Variants in PAK3 observed in about 807,000 individuals in gnomAD.
PAK3 encodes p21 (RAC1) activated kinase 3.
Under a neutral mutation model 41.0 loss-of-function variants are expected in PAK3, and 4 were observed. The ratio of observed to expected loss-of-function variants is 0.10; its 90% CI spans 0.05 to 0.22. The LOEUF is 0.22. PAK3 is among the 10% of genes least tolerant of loss of function. The pLI is 1.00. For synonymous variants in PAK3, 146 were observed against 139.6 expected (o/e 1.05, Z -0.32); for missense variants, 205 against 409.9 (o/e 0.50, Z 4.32).
In PAK3 at chrX:111,160,623, C is replaced by A. The variant is rs75355737; in HGVS notation, c.469-2292C>A. 9.2e-5 allele frequency among the ~76,000 whole-genome samples: 10 copies of A among 108,329 alleles called. No individual in the cohort carries two copies. In the South Asian group the frequency reaches 2.1e-3, roughly 22 times the overall value. The allele number at this position is 108,329 out of a possible 115,157, so 94.1% of individuals were successfully genotyped here. ...TAATGCTATCCCTCCCCGCTCCCCC[C>A]ACCCCACAACAGTCCCCGGTGTGTG... On this transcript the variant is annotated intron_variant, in intron 8 of 17. Transcript: ENST00000372007.
At chrX:111,040,435 A>G in intron 1 of PAK3, among the ~76,000 whole-genome samples, 1 of 112,092 alleles carries the variant, frequency 8.9e-6, no homozygotes, top group East Asian at 2.8e-4. Flanking sequence ...GAAAATATAG[A>G]TACATTTTAT....
intron 1 of PAK3, among the ~76,000 whole-genome samples, chrX:111,080,662 A>AC (rs1290567797): frequency 3.6e-5 from 4 of 111,826 alleles, no homozygotes; most frequent in African/African-American, 1.3e-4. Flanking sequence ...AACCATTATG[A>AC]GAAACAGTAT....
chrX:110,977,475 A>G (rs1376129307), intron 1 of PAK3, among the ~76,000 whole-genome samples: 1 of 111,181 alleles, frequency 9.0e-6, no homozygotes, highest in Non-Finnish European at 1.9e-5. Flanking sequence ...TGTTGAATCT[A>G]TAGATCAATT....
chrX:110,965,519 C>A (rs979531669), intron 1 of PAK3, among the ~76,000 whole-genome samples: 22 of 111,934 alleles, frequency 2.0e-4, no homozygotes, highest in African/African-American at 7.1e-4. Flanking sequence ...AAATTAGCTT[C>A]TATTCACAAA....
rs141866061 is a variant in PAK3, at chrX:110,959,410, T to G, written c.-28+14782T>G. ...GTTTCTGCTTTCTCTTTACACTCTA[T>G]CCTCTTTCTCGGGCTTTCCGTCTGT... is the stretch of plus-strand genomic sequence containing the variant. On this transcript the variant is annotated intron_variant, in intron 1 of 14. Coordinates refer to the PAK3 transcript ENST00000425146. 2.3e-4 allele frequency among the ~76,000 whole-genome samples: 26 copies of G among 111,908 alleles called. No individual in the cohort carries two copies. In the East Asian group the frequency reaches 7.3e-3, roughly 31 times the overall value.
intron 1 of PAK3, among the ~76,000 whole-genome samples, chrX:110,950,580 C>T (rs1725477410): frequency 9.0e-6 from 1 of 111,452 alleles, no homozygotes; most frequent in African/African-American, 3.3e-5. Context: ...TCTCCTTGTC[C>T]CCCAACCCGT....
chrX:111,080,230 C>T (rs34572068), intron 1 of PAK3, among the ~76,000 whole-genome samples: 9,975 of 111,163 alleles, frequency 0.09, 445 homozygotes, highest in Non-Finnish European at 0.13. Context: ...AAATCTTTCA[C>T]GAAAGGAAGA....
chrX:111,164,562 A>T (rs571599317), intron 10 of PAK3, among the ~76,000 whole-genome samples: 1 of 111,707 alleles, frequency 9.0e-6, no homozygotes, highest in Admixed American at 9.5e-5. Context: ...AAACCATATT[A>T]GTCTGACTTC....
chrX:111,129,453 G>T (rs768265071), intron 5 of PAK3, among the ~76,000 whole-genome samples: 1 of 111,435 alleles, frequency 9.0e-6, no homozygotes, highest in South Asian at 3.8e-4. Flanking sequence ...AAACCTGAAG[G>T]ACATGGCATC....
intron 1 of PAK3, among the ~76,000 whole-genome samples, chrX:111,021,923 G>A (rs777326369): frequency 9.1e-6 from 1 of 110,146 alleles, no homozygotes; most frequent in East Asian, 2.9e-4. Flanking sequence ...GCAGAAGAGA[G>A]AACTTCAGAT....
intron 1 of PAK3, among the ~76,000 whole-genome samples, chrX:110,952,229 G>A (rs2148593984): frequency 8.9e-6 from 1 of 111,942 alleles, no homozygotes; most frequent in African/African-American, 3.2e-5. Flanking sequence ...CAAAGGTAGG[G>A]TCTGTGGATT....
chrX:111,161,431 A>T, intron 8 of PAK3, among the ~76,000 whole-genome samples: 1 of 110,572 alleles, frequency 9.0e-6, no homozygotes, highest in East Asian at 2.8e-4. Flanking sequence ...GTTCATTCTG[A>T]TGGTGGTTTC....
At chrX:111,086,976 C>G (rs934150304) in intron 1 of PAK3, among the ~76,000 whole-genome samples, 1 of 111,081 alleles carries the variant, frequency 9.0e-6, no homozygotes, top group Non-Finnish European at 1.9e-5. Flanking sequence ...GCTTTAAAAA[C>G]GTGTGTTAGC....
intron 10 of PAK3, among the ~76,000 whole-genome samples, chrX:111,172,577 C>A (rs1228798099): frequency 9.0e-6 from 1 of 111,301 alleles, no homozygotes; most frequent in Non-Finnish European, 1.9e-5. Flanking sequence ...TTAGCTCCCA[C>A]TTATAAGCGA....
At chrX:111,121,355 T>C (rs2093564674) in intron 4 of PAK3, among the ~76,000 whole-genome samples, 1 of 112,095 alleles carries the variant, frequency 8.9e-6, no homozygotes, top group Admixed American at 9.5e-5. Context: ...CAATTGTTAG[T>C]TGTCAATCAC....
chrX:111,033,626 A>G (rs1379741998), intron 1 of PAK3, among the ~76,000 whole-genome samples: 4 of 112,092 alleles, frequency 3.6e-5, no homozygotes, highest in African/African-American at 1.3e-4. Context: ...TAGTTACAGG[A>G]AAGGCTGGGG....
At chrX:110,951,176 T>C (rs182091429) in intron 1 of PAK3, among the ~76,000 whole-genome samples, 1 of 112,189 alleles carries the variant, frequency 8.9e-6, no homozygotes, top group East Asian at 2.8e-4. Context: ...TTCTTTTGAG[T>C]TGTTCTTTCT....
chrX:111,018,442 C>T (rs754380187), intron 1 of PAK3, among the ~76,000 whole-genome samples: 6 of 110,397 alleles, frequency 5.4e-5, no homozygotes, highest in Non-Finnish European at 7.6e-5. Flanking sequence ...TTCTATACAC[C>T]GACAACAAGC....
intron 1 of PAK3, among the ~76,000 whole-genome samples, chrX:110,997,859 G>T (rs746709825): frequency 1.8e-5 from 2 of 110,972 alleles, no homozygotes; most frequent in Non-Finnish European, 3.8e-5. Flanking sequence ...AAAGAGACCT[G>T]AGAGTGACCA....
Sources: gnomAD v4.1 joint callset for allele counts (sites outside exome capture counted in the v4.1 genomes callset) on GRCh38, gnomAD v4.1.1 for gene constraint, MANE v1.5 for transcripts, NCBI Gene and HGNC (gene_info 2026-07-23, HGNC 2026-07-21) for gene names.